The following IGSF11 variants were observed in gnomAD, a reference collection of about 807,000 sequenced individuals.
IGSF11 encodes the protein CXADR like 1.
Under a neutral mutation model 41.0 loss-of-function variants are expected in IGSF11, and 22 were observed. That is an observed-to-expected ratio of 0.54 (90% CI 0.38 to 0.77). IGSF11 has a LOEUF of 0.77. IGSF11 is among the 30% of genes least tolerant of loss of function. The pLI, the probability that IGSF11 is intolerant of heterozygous loss-of-function variation, is 0.00. For synonymous variants in IGSF11, 219 were observed against 201.3 expected (o/e 1.09, Z -0.74); for missense variants, 444 against 530.8 (o/e 0.84, Z 1.61).
Position 118,901,442 on chromosome 3 carries a change from T to C in IGSF11, c.*1078A>G, listed in dbSNP as rs1179058766. 6.6e-6 allele frequency: 1 copy of C among 152,110 alleles called. No homozygotes were observed. The highest frequency in any genetic ancestry group is 1.5e-5 in the Non-Finnish European group (1 of 68,010). The allele number at this position is 152,110 out of a possible 1,614,324, so 9.4% of individuals were successfully genotyped here. A position where few individuals can be genotyped will look rare whatever the true frequency, so the allele number is the denominator to read the frequency against. On this transcript the variant is annotated 3_prime_UTR_variant, in exon 7 of 7. Transcript: ENST00000393775. ...AAAAACGAAACAGAACAAAAAAACG[T>C]CTGCCCTCCCTGACAAGTAAGTTAA...
Position 118,902,388 on chromosome 3 carries a change from G to T in IGSF11, c.*132C>A. 1 of 718,518 alleles carries T rather than the reference G, an allele frequency of 1.4e-6. No homozygotes were observed. Among genetic ancestry groups the T allele is most frequent in the Non-Finnish European group, 2.3e-6 (1 of 432,268 alleles). The allele number at this position is 718,518 out of a possible 1,614,324, so 44.5% of individuals were successfully genotyped here. ...ATCTTAGTGGCCAAGTAACAGCACT[G>T]CCTTCTTCTTTGTGCATTTTACTAA... is the stretch of plus-strand genomic sequence containing the variant. On this transcript the variant is annotated 3_prime_UTR_variant, in exon 7 of 7. Coordinates refer to ENST00000393775, the MANE Select transcript of IGSF11 (RefSeq NM_001015887.3).
chr3:119,091,833 C>A (rs1409768008), intron 1 of IGSF11, among the ~76,000 whole-genome samples: 1 of 150,576 alleles, frequency 6.6e-6, no homozygotes, highest in Non-Finnish European at 1.5e-5. Flanking sequence ...GCAAATGTGC[C>A]CCCTGTATGT....
chr3:118,928,478 C>G, intron 3 of IGSF11, 31 bp downstream of exon 3: 2 of 1,577,040 alleles, frequency 1.3e-6, no homozygotes, highest in Non-Finnish European at 8.7e-7. Context: ...TGAGTAAAGC[C>G]CGAACAGCCA....
intron 1 of IGSF11, among the ~76,000 whole-genome samples, chr3:119,084,869 C>G (rs1302028440): frequency 2.0e-5 from 3 of 152,224 alleles, no homozygotes; most frequent in African/African-American, 7.2e-5. Context: ...TGGCTCCAGA[C>G]TGCCAAGACA....
At chr3:119,018,558 C>A (rs1674915838) in intron 1 of IGSF11, among the ~76,000 whole-genome samples, 1 of 152,188 alleles carries the variant, frequency 6.6e-6, no homozygotes, top group South Asian at 2.1e-4. Context: ...TACCTATTAT[C>A]TTACTTAATA....
chr3:119,096,117 A>T (rs2076845781), intron 1 of IGSF11, among the ~76,000 whole-genome samples: 1 of 152,074 alleles, frequency 6.6e-6, no homozygotes, highest in Non-Finnish European at 1.5e-5. Flanking sequence ...TACTTAGTAG[A>T]AACTCTAAGA....
chr3:119,117,618 A>C (rs976234205), intron 1 of IGSF11, among the ~76,000 whole-genome samples: 1 of 152,114 alleles, frequency 6.6e-6, no homozygotes, highest in African/African-American at 2.4e-5. Flanking sequence ...GTCCCTCCAA[A>C]ATCGCATGTC....
At chr3:118,937,282 CAAATT>C (rs1403547759) in intron 1 of IGSF11, among the ~76,000 whole-genome samples, 2 of 152,218 alleles carry the variant, frequency 1.3e-5, no homozygotes, top group Admixed American at 6.5e-5. Flanking sequence ...TATAACCTAT[CAAATT>C]AAGTTTTATA....
intron 1 of IGSF11, among the ~76,000 whole-genome samples, chr3:118,998,481 A>G (rs533128974): frequency 1.3e-5 from 2 of 151,326 alleles, no homozygotes; most frequent in African/African-American, 2.5e-5. Context: ...TTGGGGGGGA[A>G]AAAAAAGAAA....
chr3:119,029,380 T>A (rs1940179095), intron 1 of IGSF11, among the ~76,000 whole-genome samples: 1 of 152,092 alleles, frequency 6.6e-6, no homozygotes, highest in African/African-American at 2.4e-5. Context: ...AATATTAGCA[T>A]ATAACTATGC....
chr3:119,010,547 G>T (rs1009237063), intron 1 of IGSF11, among the ~76,000 whole-genome samples: 1 of 152,144 alleles, frequency 6.6e-6, no homozygotes, highest in African/African-American at 2.4e-5. Context: ...AAAAACAAAA[G>T]GCAGAGGAAG....
chr3:118,937,145 T>C (rs575540716), intron 1 of IGSF11, among the ~76,000 whole-genome samples: 1 of 152,346 alleles, frequency 6.6e-6, no homozygotes, highest in East Asian at 1.9e-4. Flanking sequence ...TTATGGCACT[T>C]TGGGAGGCCT....
intron 1 of IGSF11, among the ~76,000 whole-genome samples, chr3:119,142,386 G>GT (rs1456464818): frequency 6.7e-6 from 1 of 150,366 alleles, no homozygotes; most frequent in Non-Finnish European, 1.5e-5. Context: ...TTTACCTTTT[G>GT]TTTTTTTATT....
chr3:118,976,122 T>C (rs1218004102), intron 1 of IGSF11, among the ~76,000 whole-genome samples: 1 of 152,142 alleles, frequency 6.6e-6, no homozygotes, highest in African/African-American at 2.4e-5. Flanking sequence ...AGCCCAGCCC[T>C]AAAGGCAGTT....
chr3:119,052,518 A>C lies in IGSF11; in HGVS notation c.49+52626T>G, dbSNP rs536795441. On this transcript the variant is annotated intron_variant, in intron 1 of 6. Coordinates refer to the IGSF11 transcript ENST00000354673. The stretch of plus-strand genomic sequence containing the variant: ...GGGAGGGATTTAAAAATTGCCAACA[A>C]AAAAAGTCCAGGACCAGATGGATTC... Among the ~76,000 whole-genome samples, 198 of 152,072 alleles carry C rather than the reference A, an allele frequency of 1.3e-3. 1 individual carries two copies. Among genetic ancestry groups the C allele is most frequent in the African/African-American group, 4.7e-3 (194 of 41,480 alleles).
At chr3:118,951,047 G>C (rs1049080197) in intron 1 of IGSF11, among the ~76,000 whole-genome samples, 1 of 152,276 alleles carries the variant, frequency 6.6e-6, no homozygotes, top group Non-Finnish European at 1.5e-5. Context: ...CTATCCAATA[G>C]AACTTTCTGT....
chr3:119,024,555 C>T (rs1939631618), intron 1 of IGSF11, among the ~76,000 whole-genome samples: 1 of 152,144 alleles, frequency 6.6e-6, no homozygotes, highest in Non-Finnish European at 1.5e-5. Context: ...AAAAGAACAG[C>T]TAGGCAACAC....
At chr3:118,971,347 A>T (rs1335854778) in intron 1 of IGSF11, among the ~76,000 whole-genome samples, 2 of 152,230 alleles carry the variant, frequency 1.3e-5, no homozygotes, top group East Asian at 3.8e-4. Context: ...TAAACATGAA[A>T]AACAGAACAC....
chr3:118,974,424 A>G lies in IGSF11; in HGVS notation c.53-44149T>C, dbSNP rs77517990. On this transcript the variant is annotated intron_variant, in intron 1 of 6. Transcript: ENST00000393775. The stretch of plus-strand genomic sequence containing the variant: ...GAGAATCATCACTAATGTGTTGGCA[A>G]TTGCAATTAAGAAAAGGGCACAGAG... Among the ~76,000 whole-genome samples, 176 of 152,324 alleles carry G rather than the reference A, an allele frequency of 1.2e-3. 2 individuals are homozygous for G. The highest frequency in any genetic ancestry group is 4.2e-3 in the African/African-American group (175 of 41,582).
Sources: gnomAD v4.1 joint callset for allele counts (sites outside exome capture counted in the v4.1 genomes callset) on GRCh38, gnomAD v4.1.1 for gene constraint, MANE v1.5 for transcripts, NCBI Gene and HGNC (gene_info 2026-07-23, HGNC 2026-07-21) for gene names.